The following LHPP variants were observed in gnomAD, a reference collection of about 807,000 sequenced individuals.
LHPP encodes phospholysine phosphohistidine inorganic pyrophosphate phosphatase.
LHPP carries 24 observed loss-of-function variants against 30.3 expected under a neutral mutation model. That is an observed-to-expected ratio of 0.79 (90% CI 0.57 to 1.11). The LOEUF is 1.11. Among genes scored for constraint, LHPP ranks in the 50% most tolerant of loss-of-function variants. The probability of loss-of-function intolerance (pLI) is 0.00; values close to 1 mark genes in which losing one functional copy is unlikely to be tolerated. For synonymous variants in LHPP, 150 were observed against 157.1 expected, an observed-to-expected ratio of 0.95 and a Z score of 0.34; for missense variants, 356 against 367.2, an observed-to-expected ratio of 0.97 and a Z score of 0.25.
At chr10:124,502,173 C>T (rs1358151875) in intron 5 of LHPP, among the ~76,000 whole-genome samples, 2 of 151,952 alleles carry the variant, frequency 1.3e-5, no homozygotes, top group Non-Finnish European at 2.9e-5. Context: ...GGGAAATCAA[C>T]ACTGGCACAA....
chr10:124,482,397 A>C (rs945029310), intron 1 of LHPP, among the ~76,000 whole-genome samples: 1 of 152,202 alleles, frequency 6.6e-6, no homozygotes, highest in Non-Finnish European at 1.5e-5. Context: ...GACCTGTCTG[A>C]GAACAGTGCC....
chr10:124,468,775 T>G (rs1272353826), intron 1 of LHPP, among the ~76,000 whole-genome samples: 1 of 152,150 alleles, frequency 6.6e-6, no homozygotes, highest in Admixed American at 6.5e-5. Flanking sequence ...GCAAGGCCCC[T>G]CCACTCTGGC....
At chr10:124,489,440 G>A (rs917820714) in intron 3 of LHPP, among the ~76,000 whole-genome samples, 10 of 152,052 alleles carry the variant, frequency 6.6e-5, no homozygotes, top group Non-Finnish European at 4.4e-5. Flanking sequence ...GGTTATCTAT[G>A]GTGTGGCTAT....
At chr10:124,490,134 G>C (rs926153410) in intron 3 of LHPP, 4 of 175,078 alleles carry the variant, frequency 2.3e-5, no homozygotes, top group African/African-American at 9.6e-5. Flanking sequence ...GTGTCTCTCT[G>C]TGAGTGTCCC....
intron 6 of LHPP, among the ~76,000 whole-genome samples, chr10:124,610,956 C>A (rs536097313): frequency 4.6e-4 from 31 of 68,086 alleles, no homozygotes; most frequent in African/African-American, 2.1e-3. Context: ...GCTGATGGAG[C>A]GGGTGAGGGT....
Position 124,523,122 on chromosome 10 carries a change from G to A in LHPP, c.716+5851G>A, listed in dbSNP as rs935423252. Among the ~76,000 whole-genome samples the A allele has an allele frequency of 6.6e-6, 1 of 152,226 alleles. No individual in the cohort carries two copies. The highest frequency in any genetic ancestry group is 1.5e-5 in the Non-Finnish European group (1 of 68,046). ...CTGGTGCTGCTGTGTAAATAAAGCC[G>A]CGATGCGGAGCTCGCCTCTGGTCTT... On this transcript the variant is annotated intron_variant, in intron 6 of 6. Transcript: ENST00000368842. This position sits in a 1 kb window ranked among gnomAD's most constrained non-coding sequence, Gnocchi z 4.2.
In LHPP at chr10:124,538,080, C is replaced by T. The variant is rs189744462; in HGVS notation, c.716+20809C>T. On this transcript the variant is annotated intron_variant, in intron 6 of 6. Transcript: ENST00000368842. ...CCCACCTGCTGGGTCCTCCCACCTG[C>T]GGGGCCCGCCATGCGGGGTCACCAT... 2.5e-3 allele frequency among the ~76,000 whole-genome samples: 377 copies of T among 152,232 alleles called. 3 individuals carry two copies. Among genetic ancestry groups the T allele is most frequent in the African/African-American group, 8.4e-3 (348 of 41,582 alleles).
chr10:124,590,612 G>A lies in LHPP; in HGVS notation c.717-22652G>A, dbSNP rs1124734. Among the ~76,000 whole-genome samples the A allele has an allele frequency of 0.22, 33,350 of 152,104 alleles. 4,222 individuals carry two copies. The highest frequency in any genetic ancestry group is 0.28 in the Non-Finnish European group (19,266 of 67,936). The stretch of plus-strand genomic sequence containing the variant: ...AGGTGAAGGGGACTGTGTTGGTCCT[G>A]TCTGCCCAGGACTCTCCCCACCCGC... On this transcript the variant is annotated intron_variant, in intron 6 of 6. Coordinates refer to ENST00000368842, the MANE Select transcript of LHPP (RefSeq NM_022126.4). This position sits in a 1 kb window ranked among gnomAD's most constrained non-coding sequence, Gnocchi z 4.3.
At chr10:124,537,825 G>A (rs893078223) in intron 6 of LHPP, among the ~76,000 whole-genome samples, 1 of 152,252 alleles carries the variant, frequency 6.6e-6, no homozygotes, top group Non-Finnish European at 1.5e-5. Context: ...ATGGACACAA[G>A]CTGCTGGCTT....
intron 6 of LHPP, among the ~76,000 whole-genome samples, chr10:124,579,256 C>G (rs534152473): frequency 9.8e-4 from 150 of 152,372 alleles, no homozygotes; most frequent in Middle Eastern, 3.4e-3. Context: ...CAGTCTGAGT[C>G]AGTCCTGCCT....
chr10:124,590,782 C>T lies in LHPP; in HGVS notation c.717-22482C>T, dbSNP rs552390737. Among the ~76,000 whole-genome samples, 1 of 152,344 alleles carries T rather than the reference C, an allele frequency of 6.6e-6. No homozygotes were observed. Among genetic ancestry groups the T allele is most frequent in the East Asian group, 1.9e-4 (1 of 5,188 alleles). ...CCATGTCGCCTTCCTGAGCCTGCTT[C>T]TCTGTCCACAAAACAAAGACTAGAT... On this transcript the variant is annotated intron_variant, in intron 6 of 6. Coordinates refer to ENST00000368842, the MANE Select transcript of LHPP (RefSeq NM_022126.4). The surrounding 1 kb of genome is among the most constrained non-coding windows in gnomAD (Gnocchi z 4.3).
In LHPP at chr10:124,576,185, C is replaced by G. The variant is rs976797688; in HGVS notation, c.717-37079C>G. 2.6e-5 allele frequency among the ~76,000 whole-genome samples: 4 copies of G among 152,116 alleles called. No homozygotes were observed. Among genetic ancestry groups the G allele is most frequent in the African/African-American group, 7.2e-5 (3 of 41,396 alleles). ...TTCACATGAGATTATAATTGTACTG[C>G]CTAATAGAGTGCTCACACATGTTAA... On this transcript the variant is annotated intron_variant, in intron 6 of 6. Transcript: ENST00000368842. This position sits in a 1 kb window ranked among gnomAD's most constrained non-coding sequence, Gnocchi z 4.2.
chr10:124,548,622 A>G (rs1955408909), intron 6 of LHPP, among the ~76,000 whole-genome samples: 2 of 152,042 alleles, frequency 1.3e-5, no homozygotes, highest in Non-Finnish European at 2.9e-5. Flanking sequence ...GGGTGGGAGG[A>G]GGGCATGGGA....
chr10:124,518,118 G>C (rs537465253), intron 6 of LHPP, among the ~76,000 whole-genome samples: 4 of 152,320 alleles, frequency 2.6e-5, no homozygotes, highest in East Asian at 1.9e-4. Context: ...TCTCTCCTGC[G>C]GGTTGGGAGC....
rs755818410 is a variant in LHPP, at chr10:124,579,161, C to T, written c.717-34103C>T. 5.9e-5 allele frequency among the ~76,000 whole-genome samples: 9 copies of T among 152,218 alleles called. No individual in the cohort carries two copies. In the East Asian group the frequency reaches 7.7e-4, roughly 13 times the overall value. ...ATCTCATATTCCCCAGAGGAGCTTA[C>T]GGACAGCCCCTCTTTAAGGAACATC... is the stretch of plus-strand genomic sequence containing the variant. On this transcript the variant is annotated intron_variant, in intron 6 of 6. Transcript: ENST00000368842.
Position 124,522,727 on chromosome 10 carries a change from C to CG in LHPP, c.716+5456_716+5457insG, listed in dbSNP as rs1554886532. 3.5e-3 allele frequency among the ~76,000 whole-genome samples: 528 copies of CG among 149,090 alleles called. 4 individuals are homozygous for CG. The highest frequency in any genetic ancestry group is 0.013 in the African/African-American group (515 of 39,136). On this transcript the variant is annotated intron_variant, in intron 6 of 6. Transcript: ENST00000368842. Reference sequence around the variant, plus strand: ...GGTAAGTGCACTGCTGCCCACGCCCCCCCCCAAGCACTGTCTGCTCCTCCC... The same window carrying CG: ...GGTAAGTGCACTGCTGCCCACGCCCCGCCCCCAAGCACTGTCTGCTCCTCCC...
intron 6 of LHPP, among the ~76,000 whole-genome samples, chr10:124,525,604 G>A (rs967717723): frequency 7.9e-5 from 12 of 152,236 alleles, no homozygotes; most frequent in African/African-American, 2.4e-4. Context: ...GTGTGTGAAA[G>A]GAGGCTGGTG....
At chr10:124,495,284 C>T (rs576329137) in intron 3 of LHPP, among the ~76,000 whole-genome samples, 1 of 152,236 alleles carries the variant, frequency 6.6e-6, no homozygotes, top group African/African-American at 2.4e-5. Flanking sequence ...TGGAACAGGC[C>T]TGGGGTTCAC....
chr10:124,556,617 C>T (rs1948304374), intron 6 of LHPP, among the ~76,000 whole-genome samples: 1 of 152,226 alleles, frequency 6.6e-6, no homozygotes. Context: ...TCCCTCCAGA[C>T]ATCAAGTTGC....
Sources: allele counts gnomAD v4.1 joint callset (sites outside exome capture counted in the v4.1 genomes callset), GRCh38; gene constraint gnomAD v4.1.1; non-coding constraint Gnocchi (gnomAD v3.1); transcripts MANE v1.5; gene names NCBI Gene and HGNC (gene_info 2026-07-23, HGNC 2026-07-21).